The following UST variants were observed in gnomAD, a reference collection of about 807,000 sequenced individuals.
UST encodes the protein chondroitin sulfate 2-O-sulfotransferase.
In UST, 21 loss-of-function variants were observed where a neutral mutation model predicts 45.6. That is an observed-to-expected ratio of 0.46 (90% CI 0.33 to 0.66). The LOEUF is 0.66. UST is among the 30% of genes least tolerant of loss of function. The pLI is 0.02. For synonymous variants in UST, 215 were observed against 200.6 expected, an observed-to-expected ratio of 1.07 and a Z score of -0.61; for missense variants, 463 against 512.4, an observed-to-expected ratio of 0.90 and a Z score of 0.93.
chr6:148,752,002 T>C (rs1776001740), intron 1 of UST, among the ~76,000 whole-genome samples: 1 of 152,376 alleles, frequency 6.6e-6, no homozygotes, highest in Middle Eastern at 3.4e-3. Context: ...TTAGACTTTA[T>C]GGGAGCTAAA....
chr6:149,014,954 T>G (rs925399997), intron 5 of UST, among the ~76,000 whole-genome samples: 1 of 152,040 alleles, frequency 6.6e-6, no homozygotes, highest in African/African-American at 2.4e-5. Context: ...CTCTGGAGGC[T>G]GCACACAGGG....
intron 4 of UST, among the ~76,000 whole-genome samples, chr6:148,955,066 A>G (rs1780457962): frequency 6.6e-6 from 1 of 152,200 alleles, no homozygotes; most frequent in African/African-American, 2.4e-5. Flanking sequence ...CAGCCTGGGA[A>G]CCTCCGGGCC....
intron 2 of UST, among the ~76,000 whole-genome samples, 182 bp from the exon 3 acceptor site, chr6:148,941,097 A>T (rs1159471422): frequency 1.3e-5 from 2 of 152,250 alleles, no homozygotes; most frequent in Non-Finnish European, 2.9e-5. Context: ...TTGTTATATC[A>T]TGAAGATAAA....
At chr6:149,006,728 C>T (rs1196825251) in intron 5 of UST, among the ~76,000 whole-genome samples, 1 of 152,194 alleles carries the variant, frequency 6.6e-6, no homozygotes, top group East Asian at 1.9e-4. Flanking sequence ...GCAAAATGTT[C>T]CTATTTCTCC....
At chr6:148,893,607 A>C (rs142235505) in intron 2 of UST, among the ~76,000 whole-genome samples, 111 of 152,314 alleles carry the variant, frequency 7.3e-4, no homozygotes, top group African/African-American at 2.2e-3. Flanking sequence ...TATGCATCAA[A>C]TTTGTCTTGG....
intron 7 of UST, among the ~76,000 whole-genome samples, chr6:149,037,110 C>T (rs765125838): frequency 6.6e-6 from 1 of 151,938 alleles, no homozygotes; most frequent in Non-Finnish European, 1.5e-5. Flanking sequence ...GAGTGAAGGC[C>T]TCGGGGGGTG....
intron 7 of UST, among the ~76,000 whole-genome samples, chr6:149,055,735 T>C (rs1207478522): frequency 6.6e-6 from 1 of 152,214 alleles, no homozygotes; most frequent in Admixed American, 6.5e-5. Context: ...CCATGTCTTA[T>C]CAAAGGGGAA....
chr6:148,832,600 G>C (rs757980164), intron 1 of UST, among the ~76,000 whole-genome samples: 2 of 152,180 alleles, frequency 1.3e-5, no homozygotes, highest in Non-Finnish European at 2.9e-5. Context: ...CACACATTGA[G>C]TTGGTTATAA....
intron 2 of UST, among the ~76,000 whole-genome samples, chr6:148,910,865 T>C (rs1425330933): frequency 1.3e-5 from 2 of 152,168 alleles, no homozygotes; most frequent in Admixed American, 1.3e-4. Flanking sequence ...TCTAATCGTT[T>C]AGTCTCAGCT....
chr6:148,854,668 A>G (rs969129063), intron 1 of UST, among the ~76,000 whole-genome samples: 11 of 152,232 alleles, frequency 7.2e-5, no homozygotes, highest in Non-Finnish European at 1.3e-4. Flanking sequence ...GGGAAGGAGC[A>G]AGGATAGCTG....
At chr6:148,772,844 G>A (rs1776458618) in intron 1 of UST, among the ~76,000 whole-genome samples, 1 of 152,124 alleles carries the variant, frequency 6.6e-6, no homozygotes, top group Non-Finnish European at 1.5e-5. Context: ...ATCTGTTAGA[G>A]GAACTTTTAA....
At chr6:149,022,111 T>C (rs571527337) in intron 7 of UST, among the ~76,000 whole-genome samples, 6 of 152,346 alleles carry the variant, frequency 3.9e-5, no homozygotes, top group Non-Finnish European at 2.9e-5. Context: ...GTAAGTATAA[T>C]TACTTTCAGA....
chr6:149,055,349 T>A (rs1338382464), intron 7 of UST, among the ~76,000 whole-genome samples: 2 of 152,248 alleles, frequency 1.3e-5, no homozygotes, highest in Admixed American at 1.3e-4. Context: ...TTCAGTTTTA[T>A]GCAGTTAAGT....
At chr6:149,033,899 C>T (rs189239234) in intron 7 of UST, among the ~76,000 whole-genome samples, 42 of 152,248 alleles carry the variant, frequency 2.8e-4, no homozygotes, top group Non-Finnish European at 4.7e-4. Context: ...TTCCAACCCT[C>T]CCAAAGATGA....
intron 5 of UST, among the ~76,000 whole-genome samples, chr6:149,011,023 C>T (rs916989513): frequency 4.0e-5 from 6 of 151,568 alleles, no homozygotes; most frequent in Non-Finnish European, 4.4e-5. Context: ...CTCTTGTGTC[C>T]GTAAGTGTTT....
At chr6:148,862,421 A>G (rs1452880548) in intron 1 of UST, among the ~76,000 whole-genome samples, 1 of 152,252 alleles carries the variant, frequency 6.6e-6, no homozygotes, top group Non-Finnish European at 1.5e-5. Flanking sequence ...TCCTGAATAC[A>G]GCACACTGAT....
chr6:148,915,484 C>A (rs1298759703), intron 2 of UST, among the ~76,000 whole-genome samples: 3 of 152,132 alleles, frequency 2.0e-5, no homozygotes, highest in Non-Finnish European at 4.4e-5. Context: ...AGTCCCAGAC[C>A]CCAAACAAGG....
At chr6:149,027,267 A>G (rs1198152423) in intron 7 of UST, among the ~76,000 whole-genome samples, 4 of 152,252 alleles carry the variant, frequency 2.6e-5, no homozygotes, top group Non-Finnish European at 2.9e-5. Flanking sequence ...CAATAAAAAT[A>G]TCAGCCTGAG....
At chr6:148,914,013 A>T (rs1240067987) in intron 2 of UST, among the ~76,000 whole-genome samples, 1 of 152,212 alleles carries the variant, frequency 6.6e-6, no homozygotes, top group Admixed American at 6.5e-5. Flanking sequence ...TGATTAGTTC[A>T]TGAGGGTGGA....
Sources: allele counts gnomAD v4.1 joint callset (sites outside exome capture counted in the v4.1 genomes callset), GRCh38; gene constraint gnomAD v4.1.1; transcripts MANE v1.5; gene names NCBI Gene and HGNC (gene_info 2026-07-23, HGNC 2026-07-21).